IPCEF1: variants seen among roughly 807,000 people sequenced by gnomAD.
IPCEF1 encodes the protein interaction protein for cytohesin exchange factors 1.
Under a neutral mutation model 50.9 loss-of-function variants are expected in IPCEF1, and 31 were observed. The ratio of observed to expected loss-of-function variants is 0.61; its 90% confidence interval spans 0.46 to 0.82. The LOEUF (loss-of-function observed/expected upper bound fraction) is 0.82, where lower values mean the gene tolerates loss of function less well. IPCEF1 is among the 40% of genes least tolerant of loss of function. The pLI is 0.00. For synonymous variants in IPCEF1, 181 were observed against 192.0 expected (o/e 0.94, Z 0.47); for missense variants, 458 against 514.0 (o/e 0.89, Z 1.05).
At chr6:154,273,337 G>A (rs551698284) in intron 2 of IPCEF1, among the ~76,000 whole-genome samples, 3 of 152,266 alleles carry the variant, frequency 2.0e-5, no homozygotes, top group South Asian at 2.1e-4. Context: ...CTTGATCGTC[G>A]ACAAGTAGGT....
intron 3 of IPCEF1, among the ~76,000 whole-genome samples, chr6:154,251,342 G>C (rs1781331656): frequency 1.3e-5 from 2 of 152,134 alleles, no homozygotes; most frequent in African/African-American, 4.8e-5. Context: ...TTGAGCCCAG[G>C]AGCTCAAAAC....
rs1288061876 is a variant in IPCEF1 at position 154,246,945 on chromosome 6, A to AAG, written c.77-186_77-185insCT. 103 of 592,466 alleles carry AAG rather than the reference A, an allele frequency of 1.7e-4. 2 individuals are homozygous for AAG. The East Asian group carries it at 3.1e-3, about 18-fold the overall frequency. The allele number at this position is 592,466 out of a possible 1,614,324, so 36.7% of individuals were successfully genotyped here. On this transcript the variant is annotated intron_variant, in intron 4 of 11. Transcript: ENST00000367220. ...TATGCAAAACCAATGCAAAAAAAAA[A>AAG]AAAAAAAGCCATGTGTCTGTTTTAT...
At chr6:154,256,400 A>G (rs917752267) in intron 3 of IPCEF1, among the ~76,000 whole-genome samples, 5 of 152,194 alleles carry the variant, frequency 3.3e-5, no homozygotes, top group Non-Finnish European at 4.4e-5. Flanking sequence ...GTGGGGATTG[A>G]ATAGGAGGGA....
intron 3 of IPCEF1, among the ~76,000 whole-genome samples, chr6:154,255,597 G>A (rs1781441211): frequency 6.6e-6 from 1 of 152,102 alleles, no homozygotes; most frequent in Admixed American, 6.6e-5. Flanking sequence ...ATTTTAAAAG[G>A]TCTTCAAATC....
intron 3 of IPCEF1, among the ~76,000 whole-genome samples, chr6:154,255,440 T>G (rs1412405103): frequency 1.3e-5 from 2 of 152,252 alleles, no homozygotes; most frequent in African/African-American, 4.8e-5. Flanking sequence ...GATTTTTCTT[T>G]TCACTCTCTT....
intron 5 of IPCEF1, among the ~76,000 whole-genome samples, chr6:154,238,569 C>G (rs1338294740): frequency 6.6e-6 from 1 of 152,088 alleles, no homozygotes; most frequent in African/African-American, 2.4e-5. Context: ...CCCGGCCAAG[C>G]CTGTATGATC....
At chr6:154,303,637 C>T (rs1782856079) in intron 1 of IPCEF1, among the ~76,000 whole-genome samples, 1 of 152,262 alleles carries the variant, frequency 6.6e-6, no homozygotes, top group Non-Finnish European at 1.5e-5. Flanking sequence ...TAAATGTACT[C>T]CTGGCTAGGC....
intron 1 of IPCEF1, among the ~76,000 whole-genome samples, chr6:154,349,715 T>C (rs986067994): frequency 3.3e-5 from 5 of 152,160 alleles, no homozygotes; most frequent in African/African-American, 9.6e-5. Context: ...TCCTTCACAA[T>C]AGTCAGGAAA....
At chr6:154,226,544 G>T (rs1032384867) in intron 5 of IPCEF1, among the ~76,000 whole-genome samples, 7 of 151,958 alleles carry the variant, frequency 4.6e-5, no homozygotes, top group African/African-American at 1.7e-4. Flanking sequence ...TGCTGCATCT[G>T]CTCAGGTCTT....
intron 9 of IPCEF1, among the ~76,000 whole-genome samples, chr6:154,208,938 T>C (rs996763455): frequency 6.6e-6 from 1 of 152,216 alleles, no homozygotes. Context: ...TGAGAATAAA[T>C]GGATGTTCTT....
intron 1 of IPCEF1, among the ~76,000 whole-genome samples, chr6:154,342,861 C>A (rs967093671): frequency 2.0e-5 from 3 of 152,200 alleles, no homozygotes; most frequent in Non-Finnish European, 4.4e-5. Flanking sequence ...GCCTGTAATC[C>A]CAGCACTTTG....
chr6:154,347,071 C>G (rs1246533037), intron 1 of IPCEF1, among the ~76,000 whole-genome samples: 1 of 152,154 alleles, frequency 6.6e-6, no homozygotes, highest in East Asian at 1.9e-4. Flanking sequence ...TCAGGCAAAT[C>G]TGGGCTGAGC....
Position 154,247,436 on chromosome 6 carries a change from G to C in IPCEF1, c.76+13C>G. 1 of 1,607,814 alleles carries C rather than the reference G, an allele frequency of 6.2e-7. No individual in the cohort carries two copies. The highest frequency in any genetic ancestry group is 1.1e-5 in the South Asian group (1 of 90,718). The stretch of plus-strand genomic sequence containing the variant: ...ACAAAATGGAGATAAAGAAACAAAA[G>C]AGATCTAATTACCTTGAGTTTTCCT... On this transcript the variant is annotated intron_variant, in intron 4 of 11. Transcript: ENST00000367220.
intron 10 of IPCEF1, among the ~76,000 whole-genome samples, chr6:154,176,381 T>C (rs907490882): frequency 6.6e-6 from 1 of 152,348 alleles, no homozygotes; most frequent in African/African-American, 2.4e-5. Flanking sequence ...GGAGGTCAAA[T>C]TGTCTTTGTT....
At chr6:154,280,875 T>A (rs1782190152) in intron 2 of IPCEF1, among the ~76,000 whole-genome samples, 1 of 152,186 alleles carries the variant, frequency 6.6e-6, no homozygotes, top group African/African-American at 2.4e-5. Flanking sequence ...ACTGCATGTA[T>A]GTTATATTTC....
At chr6:154,278,636 C>T (rs1436602117) in intron 2 of IPCEF1, among the ~76,000 whole-genome samples, 3 of 152,044 alleles carry the variant, frequency 2.0e-5, no homozygotes, top group Admixed American at 6.6e-5. Context: ...ATGTTGAAAC[C>T]TTTTCCTTTG....
intron 9 of IPCEF1, among the ~76,000 whole-genome samples, chr6:154,206,840 G>A (rs1279199978): frequency 6.6e-6 from 1 of 152,224 alleles, no homozygotes; most frequent in East Asian, 1.9e-4. Flanking sequence ...GAACGCTTTT[G>A]GGGAACAGCA....
At chr6:154,323,750 C>G (rs1783450331) in intron 1 of IPCEF1, among the ~76,000 whole-genome samples, 1 of 152,024 alleles carries the variant, frequency 6.6e-6, no homozygotes, top group Non-Finnish European at 1.5e-5. Context: ...GTCAGGAGTT[C>G]AAGACCAGCC....
intron 10 of IPCEF1, among the ~76,000 whole-genome samples, chr6:154,175,183 G>T (rs577554910): frequency 5.3e-5 from 8 of 152,262 alleles, no homozygotes; most frequent in Non-Finnish European, 1.2e-4. Context: ...GTGTTTAGAG[G>T]GAAATTTACA....
Sources: gnomAD v4.1 joint callset for allele counts (sites outside exome capture counted in the v4.1 genomes callset) on GRCh38, gnomAD v4.1.1 for gene constraint, MANE v1.5 for transcripts, NCBI Gene and HGNC (gene_info 2026-07-23, HGNC 2026-07-21) for gene names.